Variants in CNGB1 observed in about 807,000 individuals in gnomAD.
The protein encoded by CNGB1 is cyclic nucleotide-gated channel beta-1.
In CNGB1, 126 loss-of-function variants were observed where a neutral mutation model predicts 151.7. The ratio of observed to expected loss-of-function variants is 0.83; its 90% confidence interval spans 0.72 to 0.96. The LOEUF is 0.96. Among genes scored for constraint, CNGB1 ranks in the 40% least tolerant of loss-of-function variants. CNGB1 has a pLI of 0.00. For missense variants in CNGB1, 1,698 were observed against 1,627.0 expected, an observed-to-expected ratio of 1.04 and a Z score of -0.75; for synonymous variants, 623 against 635.1, an observed-to-expected ratio of 0.98 and a Z score of 0.29.
chr16:57,958,648 C>T (rs1962153261), intron 10 of CNGB1, among the ~76,000 whole-genome samples, 163 bp from the exon 11 acceptor site: 1 of 152,222 alleles, frequency 6.6e-6, no homozygotes, highest in African/African-American at 2.4e-5. Flanking sequence ...TCTCCCCCCT[C>T]TCCACCCTCC....
chr16:57,935,313 A>G (rs1374886664), intron 16 of CNGB1, among the ~76,000 whole-genome samples: 1 of 152,192 alleles, frequency 6.6e-6, no homozygotes, highest in African/African-American at 2.4e-5. Flanking sequence ...AATAGTAATA[A>G]AGTTTTCCTG....
intron 31 of CNGB1, 69 bp from the exon 32 acceptor site, chr16:57,888,143 G>A: frequency 1.3e-6 from 2 of 1,501,906 alleles, no homozygotes; most frequent in Non-Finnish European, 1.8e-6. Context: ...CGCTTCTGCA[G>A]CCTCCTTTAA....
chr16:57,901,716 G>A, intron 27 of CNGB1, 91 bp from the exon 28 acceptor site: 1 of 1,005,352 alleles, frequency 9.9e-7, no homozygotes, highest in Non-Finnish European at 1.5e-6. Context: ...TGGCTCACCA[G>A]GGCACACCAT....
chr16:57,959,292 A>G (rs1962175738), intron 10 of CNGB1, among the ~76,000 whole-genome samples: 1 of 151,722 alleles, frequency 6.6e-6, no homozygotes, highest in Non-Finnish European at 1.5e-5. Flanking sequence ...CACTTCTAAG[A>G]CACATTTTTC....
chr16:57,891,913 A>G (rs1284643432), intron 31 of CNGB1, among the ~76,000 whole-genome samples: 1 of 152,138 alleles, frequency 6.6e-6, no homozygotes, highest in Admixed American at 6.6e-5. Context: ...CACAGCCAAC[A>G]GCACTGTAAT....
At chr16:57,911,938 G>A (rs535718543) in intron 24 of CNGB1, 63 bp from the exon 25 acceptor site, 1 of 1,602,216 alleles carries the variant, frequency 6.2e-7, no homozygotes, top group East Asian at 2.3e-5. Context: ...ATAGACACCT[G>A]GACAGTGAGA....
chr16:57,923,344 C>T lies in CNGB1; in HGVS notation c.1572G>A (p.Glu524=), dbSNP rs781640419. 3.8e-5 allele frequency: 61 copies of T among 1,613,612 alleles called. 2 individuals carry two copies. Among genetic ancestry groups the T allele is most frequent in the Middle Eastern group, 1.7e-4 (1 of 5,946 alleles). Residue 524 remains glutamate, a synonymous_variant, in exon 18 of 33, where the codon GAG becomes GAA. Transcript: ENST00000251102. ...ACTCTGCTGGTGACAACGCCTTGAG[C>T]TCTTCAGCCTCATCATCCTCAGAGG... is the stretch of plus-strand genomic sequence containing the variant. ...KLPSEDDEAE[E]LKALSPAESP...
At chr16:57,947,834 G>A (rs1263550293) in intron 14 of CNGB1, among the ~76,000 whole-genome samples, 5 of 152,262 alleles carry the variant, frequency 3.3e-5, no homozygotes, top group Middle Eastern at 3.4e-3. Flanking sequence ...CATCATCACC[G>A]CTGGCCCTGA....
chr16:57,965,620 A>G (rs1162342642), intron 2 of CNGB1, among the ~76,000 whole-genome samples: 1 of 152,176 alleles, frequency 6.6e-6, no homozygotes, highest in Non-Finnish European at 1.5e-5. Context: ...CAAAATGTGT[A>G]TATATACACA....
chr16:57,885,474 T>C (rs2149350690), intron 32 of CNGB1, among the ~76,000 whole-genome samples: 1 of 151,278 alleles, frequency 6.6e-6, no homozygotes, highest in East Asian at 2.0e-4. Flanking sequence ...CCCTACACTC[T>C]ATTCTTTTTG....
chr16:57,952,955 C>CAGGGCAGGCCCCCAGGAGGCGT (rs1287297364), intron 12 of CNGB1, among the ~76,000 whole-genome samples: 1 of 152,208 alleles, frequency 6.6e-6, no homozygotes, highest in Non-Finnish European at 1.5e-5. Flanking sequence ...ACACAGCCCC[C>CAGGGCAGGCCCCCAGGAGGCGT]AGGGCAGGCC....
chr16:57,884,577 C>A, intron 32 of CNGB1, 120 bp from the exon 33 acceptor site: 2 of 1,070,836 alleles, frequency 1.9e-6, no homozygotes, highest in South Asian at 2.7e-5. Context: ...GAACACACAG[C>A]GGGTGAAATC....
chr16:57,944,393 G>A (rs1284540805), intron 14 of CNGB1, among the ~76,000 whole-genome samples: 2 of 152,130 alleles, frequency 1.3e-5, no homozygotes, highest in African/African-American at 4.8e-5. Context: ...GGTGAGAGGT[G>A]GGGAGATAGA....
rs1054694888 is a variant in CNGB1, at chr16:57,918,252, G to C, written c.1958-776C>G. 2.0e-5 allele frequency among the ~76,000 whole-genome samples: 3 copies of C among 152,044 alleles called. 1 individual carries two copies. In the South Asian group the frequency reaches 6.2e-4, roughly 31 times the overall value. ...AGCCTCTCACAGTGCTGGGATTACA[G>C]GTGTGAGCCAATGTACCCAGCCCAT... is the stretch of plus-strand genomic sequence containing the variant. On this transcript the variant is annotated intron_variant, in intron 20 of 32. Transcript: ENST00000251102.
At chr16:57,956,953 G>C (rs1401228926) in intron 12 of CNGB1, among the ~76,000 whole-genome samples, 1 of 152,160 alleles carries the variant, frequency 6.6e-6, no homozygotes, top group Non-Finnish European at 1.5e-5. Context: ...GGTTCTCCCA[G>C]TGAGACCCCA....
At chr16:57,888,134 G>C in intron 31 of CNGB1, 60 bp from the exon 32 acceptor site, 1 of 1,527,812 alleles carries the variant, frequency 6.5e-7, no homozygotes, top group South Asian at 1.1e-5. Flanking sequence ...AGAAAGACTC[G>C]CTTCTGCAGC....
intron 14 of CNGB1, among the ~76,000 whole-genome samples, chr16:57,949,133 T>TGG (rs377372607): frequency 4.0e-5 from 6 of 149,174 alleles, no homozygotes; most frequent in African/African-American, 1.5e-4. Flanking sequence ...CTAGTGTGTG[T>TGG]GGGGGGGGAT....
chr16:57,923,233 C>CCCCCG, intron 18 of CNGB1, 40 bp downstream of exon 18: 1 of 1,406,954 alleles, frequency 7.1e-7, no homozygotes, highest in South Asian at 1.2e-5. Context: ...CCACCCTCCC[C>CCCCCG]GCAGTCTTTC....
chr16:57,934,820 G>A (rs1479529952), intron 16 of CNGB1, among the ~76,000 whole-genome samples: 1 of 152,110 alleles, frequency 6.6e-6, no homozygotes, highest in African/African-American at 2.4e-5. Flanking sequence ...CCCCAGGCCT[G>A]GTGGCATGTG....
Sources: gnomAD v4.1 joint callset for allele counts (sites outside exome capture counted in the v4.1 genomes callset) on GRCh38, gnomAD v4.1.1 for gene constraint, MANE v1.5 for transcripts, NCBI Gene and HGNC (gene_info 2026-07-23, HGNC 2026-07-21) for gene names.